The following C2CD3 variants were observed in gnomAD, a reference collection of about 807,000 sequenced individuals.
The protein encoded by C2CD3 is C2 domain-containing protein 3.
In C2CD3, 148 loss-of-function variants were observed where a neutral mutation model predicts 234.0. The ratio of observed to expected loss-of-function variants is 0.63; its 90% CI spans 0.55 to 0.72. The LOEUF (loss-of-function observed/expected upper bound fraction) is 0.72. C2CD3 is among the 30% of genes least tolerant of loss of function. C2CD3 has a pLI of 0.00. For synonymous variants in C2CD3, 1,000 were observed against 1,035.4 expected, an observed-to-expected ratio of 0.97 and a Z score of 0.66; for missense variants, 2,577 against 2,811.5, an observed-to-expected ratio of 0.92 and a Z score of 1.89.
intron 26 of C2CD3, among the ~76,000 whole-genome samples, chr11:74,053,723 G>A (rs1953812095): frequency 6.6e-6 from 1 of 152,240 alleles, no homozygotes; most frequent in South Asian, 2.1e-4. Context: ...CAGGCTGTAC[G>A]TTATGATGGT....
intron 5 of C2CD3, among the ~76,000 whole-genome samples, chr11:74,137,358 A>G (rs1434194206): frequency 2.6e-5 from 4 of 152,028 alleles, no homozygotes; most frequent in African/African-American, 9.7e-5. Flanking sequence ...AGCGCCAGAC[A>G]TTTGGTAGTG....
intron 28 of C2CD3, 139 bp from the exon 29 acceptor site, chr11:74,042,357 C>T: frequency 1.2e-6 from 1 of 846,336 alleles, no homozygotes; most frequent in East Asian, 2.7e-5. Context: ...CTGGCCTTAT[C>T]ATCTCTTGCT....
In C2CD3 at chr11:74,098,132, A is replaced by T; in HGVS notation, c.2856T>A (p.Ala952=). The T allele has an allele frequency of 6.2e-7, 1 of 1,614,090 alleles. No homozygotes were observed. Among genetic ancestry groups the T allele is most frequent in the Non-Finnish European group, 8.5e-7 (1 of 1,179,978 alleles). The change falls in exon 16 of 33, where the codon GCT becomes GCA. Residue 952 remains alanine (A), a synonymous_variant. Coordinates refer to ENST00000334126, the MANE Select transcript of C2CD3 (RefSeq NM_001286577.2). Reference sequence around the variant, plus strand: ...CCATTATTTGATTTGAAGAACCCATAGCTAAAAAGACTCGAAGACTCCCAT... The same window carrying T: ...CCATTATTTGATTTGAAGAACCCATTGCTAAAAAGACTCGAAGACTCCCAT... The part of the protein sequence containing the change: ...HQNGSLRVFL[A]MGSSNQIMAL...
intron 3 of C2CD3, among the ~76,000 whole-genome samples, chr11:74,148,024 T>G (rs1315863221): frequency 1.4e-5 from 2 of 147,050 alleles, no homozygotes; most frequent in Admixed American, 6.6e-5. Flanking sequence ...AAATCTTAAA[T>G]TTTACAAATG....
Position 74,170,725 on chromosome 11 carries a change from T to C in C2CD3, c.55+13A>G. 1.2e-6 allele frequency: 2 copies of C among 1,614,198 alleles called. No homozygotes were observed. The highest frequency in any genetic ancestry group is 2.2e-5 in the East Asian group (1 of 44,880). ...CTATTACGCTTTCCTCAATCTTTGA[T>C]CGCTCAGGTTACCTCTTTTTTTGCG... On this transcript the variant is annotated intron_variant, in intron 1 of 32. Coordinates refer to ENST00000334126, the MANE Select transcript of C2CD3 (RefSeq NM_001286577.2).
intron 12 of C2CD3, among the ~76,000 whole-genome samples, chr11:74,108,703 T>C (rs1440005096): frequency 1.3e-5 from 2 of 152,170 alleles, no homozygotes; most frequent in African/African-American, 4.8e-5. Context: ...GGCTCTTTCA[T>C]TAGATTGAGT....
At position 74,125,479 on chromosome 11, in the gene C2CD3, T is replaced by G. The variant is rs117919730; in HGVS notation, c.1218-2344A>C. 5.8e-3 allele frequency among the ~76,000 whole-genome samples: 882 copies of G among 152,238 alleles called. 14 individuals carry two copies. In the East Asian group the frequency reaches 0.072, roughly 12 times the overall value. ...TACCTCTATATTTTGAAGTGACACA[T>G]TAATATACTGTTATTTTCTGATTTT... On this transcript the variant is annotated intron_variant, in intron 7 of 32. Transcript: ENST00000334126.
chr11:74,165,044 C>T (rs1388916037), intron 2 of C2CD3, among the ~76,000 whole-genome samples: 1 of 151,906 alleles, frequency 6.6e-6, no homozygotes, highest in Non-Finnish European at 1.5e-5. Flanking sequence ...GCACTCCAGC[C>T]CGGCTGTCTG....
rs112206980 is a variant in C2CD3 at position 74,054,767 on chromosome 11, T to C, written c.5091-96A>G. 0.015 allele frequency: 11,695 copies of C among 781,428 alleles called. 178 individuals carry two copies. Among genetic ancestry groups the C allele is most frequent in the African/African-American group, 0.05 (2,846 of 56,492 alleles). 48.4% of individuals were successfully genotyped at this position (781,428 alleles called of 1,614,324 possible). A position where few individuals can be genotyped will look rare whatever the true frequency, so the allele number is the denominator to read the frequency against. On this transcript the variant is annotated intron_variant, in intron 25 of 32. Coordinates refer to ENST00000334126, the MANE Select transcript of C2CD3 (RefSeq NM_001286577.2). ...GAATATCTTGTAATTTGCAAAGCAC[T>C]TTCCCAACACTATTTCATCTTCTTA...
intron 26 of C2CD3, among the ~76,000 whole-genome samples, chr11:74,050,753 C>T (rs763011682): frequency 8.6e-5 from 13 of 151,308 alleles, no homozygotes; most frequent in Non-Finnish European, 1.3e-4. Context: ...CCTAGCTAAA[C>T]GGTGAGAAAA....
intron 7 of C2CD3, among the ~76,000 whole-genome samples, chr11:74,131,336 AACTAT>A (rs1957674472): frequency 6.6e-6 from 1 of 151,644 alleles, no homozygotes; most frequent in African/African-American, 2.4e-5. Flanking sequence ...AAAAAAAAAA[AACTAT>A]CTATCTGTCT....
At chr11:74,054,003 T>A (rs532671993) in intron 26 of C2CD3, among the ~76,000 whole-genome samples, 12 of 152,246 alleles carry the variant, frequency 7.9e-5, no homozygotes, top group African/African-American at 2.6e-4. Flanking sequence ...CCAGGCGCGG[T>A]GGCTCACGCC....
Position 74,105,124 on chromosome 11 carries a change from T to C in C2CD3, c.2085+1247A>G, listed in dbSNP as rs182255262. On this transcript the variant is annotated intron_variant, in intron 13 of 32. Coordinates refer to ENST00000334126, the MANE Select transcript of C2CD3 (RefSeq NM_001286577.2). ...GGCATGAACCAGCATGATACCTTAC[T>C]GACTCTTTACGTAGAGTGACATAGT... Among the ~76,000 whole-genome samples the C allele has an allele frequency of 2.5e-3, 382 of 152,330 alleles. 1 individual carries two copies. Among genetic ancestry groups the C allele is most frequent in the African/African-American group, 8.9e-3 (370 of 41,568 alleles).
At chr11:74,139,033 A>T (rs1435514547) in intron 4 of C2CD3, 66 bp from the exon 5 acceptor site, 1 of 1,380,596 alleles carries the variant, frequency 7.2e-7, no homozygotes, top group East Asian at 2.3e-5. Context: ...CTATTTTGTC[A>T]GAGACAGAAA....
At chr11:74,097,519 A>AC (rs1956157026) in intron 16 of C2CD3, among the ~76,000 whole-genome samples, 1 of 152,230 alleles carries the variant, frequency 6.6e-6, no homozygotes, top group African/African-American at 2.4e-5. Context: ...AATAACAATA[A>AC]CCCACCTCAG....
chr11:74,080,516 T>C (rs771418304), intron 22 of C2CD3, among the ~76,000 whole-genome samples: 9 of 152,178 alleles, frequency 5.9e-5, no homozygotes, highest in Non-Finnish European at 1.3e-4. Flanking sequence ...GACACAAAAT[T>C]TCACGCCATT....
Position 74,057,571 on chromosome 11 carries a change from G to A in C2CD3, c.4952-27C>T, listed in dbSNP as rs1296828711. The A allele has an allele frequency of 3.1e-6, 5 of 1,612,974 alleles. No individual in the cohort carries two copies. In the Admixed American group the frequency reaches 5.0e-5, roughly 16 times the overall value. ...TGAAATAGAATAAAGTGCAGTGACTGTACTTTAGGGTACACAAGAAGCCTC... is the reference window on the plus strand; with the variant it reads ...TGAAATAGAATAAAGTGCAGTGACTATACTTTAGGGTACACAAGAAGCCTC... On this transcript the variant is annotated intron_variant, in intron 24 of 32. Coordinates refer to ENST00000334126, the MANE Select transcript of C2CD3 (RefSeq NM_001286577.2).
rs1249909736 is a variant in C2CD3, at chr11:74,100,659, C to G, written c.2598G>C (p.Leu866=). The G allele has an allele frequency of 6.2e-7, 1 of 1,612,370 alleles. No individual in the cohort carries two copies. Among genetic ancestry groups the G allele is most frequent in the Non-Finnish European group, 8.5e-7 (1 of 1,179,486 alleles). Residue 866 remains leucine, a synonymous_variant, in exon 15 of 33, where the codon CTG becomes CTC. Transcript: ENST00000334126. ...FNFSQVIPVS[L]SSKYLERLKN... is the part of the protein sequence containing the mutation. ...TAAGCCTTTCCAGGTATTTGGAAGA[C>G]AGAGAGACAGGAATCACCTAAGAGA...
chr11:74,123,971 T>C (rs111992952), intron 7 of C2CD3, among the ~76,000 whole-genome samples: 2,672 of 152,256 alleles, frequency 0.018, 80 homozygotes, highest in African/African-American at 0.061. Flanking sequence ...CCTTAGGTGA[T>C]CCACCCACCT....
Sources: gnomAD v4.1 joint callset for allele counts (sites outside exome capture counted in the v4.1 genomes callset) on GRCh38, gnomAD v4.1.1 for gene constraint, MANE v1.5 for transcripts, NCBI Gene and HGNC (gene_info 2026-07-23, HGNC 2026-07-21) for gene names.